Variants in COL22A1 observed in about 807,000 individuals in gnomAD.
COL22A1 encodes collagen type XXII alpha 1 chain.
COL22A1 carries 221 observed loss-of-function variants against 248.9 expected under a neutral mutation model. That is an observed-to-expected ratio of 0.89 (90% confidence interval 0.80 to 0.99). The LOEUF is 0.99. Among genes scored for constraint, COL22A1 ranks in the 50% least tolerant of loss-of-function variants. COL22A1 has a pLI of 0.00. For synonymous variants in COL22A1, 891 were observed against 793.4 expected, an observed-to-expected ratio of 1.12 and a Z score of -2.07; for missense variants, 2,240 against 2,179.0, an observed-to-expected ratio of 1.03 and a Z score of -0.56.
chr8:138,692,462 CATGTGTGTGT>C (rs1453818058), intron 35 of COL22A1, among the ~76,000 whole-genome samples: 21 of 46,272 alleles, frequency 4.5e-4, no homozygotes, highest in South Asian at 2.3e-3. Context: ...TGTGTGAGTG[CATGTGTGTGT>C]GTGTGTGTGT....
At chr8:138,796,020 C>T (rs1178590049) in intron 12 of COL22A1, among the ~76,000 whole-genome samples, 1 of 152,172 alleles carries the variant, frequency 6.6e-6, no homozygotes, top group Non-Finnish European at 1.5e-5. Flanking sequence ...TATCAACGGG[C>T]ATTTGCACTG....
At chr8:138,790,594 A>G (rs964240449) in intron 12 of COL22A1, among the ~76,000 whole-genome samples, 1 of 152,212 alleles carries the variant, frequency 6.6e-6, no homozygotes, top group Non-Finnish European at 1.5e-5. Flanking sequence ...AACTTCAGTT[A>G]AAGCCTGCCT....
At chr8:138,691,350 C>A (rs939402182) in intron 35 of COL22A1, among the ~76,000 whole-genome samples, 1 of 141,722 alleles carries the variant, frequency 7.1e-6, no homozygotes, top group East Asian at 2.2e-4. Flanking sequence ...CGTGTGTGCA[C>A]GTTTGTGGAG....
intron 12 of COL22A1, among the ~76,000 whole-genome samples, chr8:138,789,242 G>A (rs947791560): frequency 6.6e-6 from 1 of 152,232 alleles, no homozygotes; most frequent in Non-Finnish European, 1.5e-5. Flanking sequence ...GACAGGGCCT[G>A]CAGCACCTCT....
Position 138,662,035 on chromosome 8 carries a change from G to A in COL22A1, c.3235C>T (p.Arg1079Trp), listed in dbSNP as rs139076328. 172 of 1,611,242 alleles carry A rather than the reference G, an allele frequency of 1.1e-4. 1 individual carries two copies. Among genetic ancestry groups the A allele is most frequent in the South Asian group, 1.0e-3 (92 of 90,486 alleles). The stretch of plus-strand genomic sequence containing the variant: ...CGCCATTTCTCTGTACTTACGTCCC[G>A]GCCGGCTGGGCCCTGGGGGCCAGGG... ...GFPGPQGPAG[R>W]DGAPGNPGER... is the part of the protein sequence containing the mutation. The change falls in exon 43 of 65, where the codon CGG becomes TGG. Residue 1079 changes from arginine (R) to tryptophan (W), a missense_variant. Physicochemically the swap from Arg to Trp is moderately radical, Grantham distance 101. Coordinates refer to ENST00000303045, the MANE Select transcript of COL22A1 (RefSeq NM_152888.3).
chr8:138,812,625 G>A (rs547402494), intron 8 of COL22A1, among the ~76,000 whole-genome samples: 1 of 152,188 alleles, frequency 6.6e-6, no homozygotes, highest in African/African-American at 2.4e-5. Flanking sequence ...TCTGGGCGCT[G>A]GTGGCACGGA....
chr8:138,662,258 A>C (rs188003161), intron 42 of COL22A1, among the ~76,000 whole-genome samples, 175 bp from the exon 43 acceptor site: 1 of 152,328 alleles, frequency 6.6e-6, no homozygotes, highest in East Asian at 1.9e-4. Context: ...ACTGTACCCT[A>C]TGGAGGTATG....
chr8:138,723,641 T>C lies in COL22A1; in HGVS notation c.2247+974A>G, dbSNP rs10095568. ...TCATGGAAAATGTTTATTGGTGACG[T>C]TGCAGTTGACTGTGTGTTTAGAAAC... On this transcript the variant is annotated intron_variant, in intron 25 of 64. Transcript: ENST00000303045. 6.1e-3 allele frequency among the ~76,000 whole-genome samples: 924 copies of C among 152,334 alleles called. 8 individuals carry two copies. The highest frequency in any genetic ancestry group is 0.021 in the African/African-American group (888 of 41,580).
intron 5 of COL22A1, among the ~76,000 whole-genome samples, chr8:138,827,576 G>T (rs1456542345): frequency 6.6e-6 from 1 of 152,128 alleles, no homozygotes; most frequent in Non-Finnish European, 1.5e-5. Flanking sequence ...CCAGGTTCCT[G>T]CCTGGCCTGT....
chr8:138,859,916 C>A (rs764308857), intron 3 of COL22A1, among the ~76,000 whole-genome samples: 2 of 152,182 alleles, frequency 1.3e-5, no homozygotes, highest in African/African-American at 4.8e-5. Flanking sequence ...ACCTTCAGCT[C>A]CTCCAAGCAG....
At chr8:138,661,950 G>C in intron 43 of COL22A1, 80 bp downstream of exon 43, 3 of 1,090,432 alleles carry the variant, frequency 2.8e-6, no homozygotes, top group Non-Finnish European at 4.0e-6. Context: ...GGTCAAAGGA[G>C]GCCAGGAGAT....
chr8:138,744,325 C>T (rs79055333), intron 22 of COL22A1, among the ~76,000 whole-genome samples: 5 of 152,058 alleles, frequency 3.3e-5, no homozygotes, highest in African/African-American at 7.3e-5. Context: ...TGGTTCCAAG[C>T]GAAAGGCAGG....
chr8:138,783,392 C>G (rs1815217268), intron 12 of COL22A1, among the ~76,000 whole-genome samples: 1 of 152,066 alleles, frequency 6.6e-6, no homozygotes, highest in African/African-American at 2.4e-5. Context: ...AGAGCCAGTC[C>G]AGGTTCCAAA....
At chr8:138,664,349 T>C (rs1458781013) in intron 41 of COL22A1, among the ~76,000 whole-genome samples, 2 of 151,992 alleles carry the variant, frequency 1.3e-5, no homozygotes, top group African/African-American at 4.8e-5. Flanking sequence ...ATGCTTAAGA[T>C]GCTGTTCATT....
intron 9 of COL22A1, among the ~76,000 whole-genome samples, chr8:138,809,514 C>CTTT (rs1200610157): frequency 1.7e-5 from 1 of 60,258 alleles, no homozygotes; most frequent in Non-Finnish European, 4.0e-5. Context: ...TTCTTCTTCT[C>CTTT]TTTTTTTCTT....
rs373960001 is a variant in COL22A1, at chr8:138,632,151, A to AGCAATGCG, written c.3610-1411_3610-1404dup. On this transcript the variant is annotated intron_variant, in intron 49 of 64. Coordinates refer to ENST00000303045, the MANE Select transcript of COL22A1 (RefSeq NM_152888.3). Reference sequence around the variant, plus strand: ...TGCACATGCCATTAGGAAGGGGAGGAGCAATGCGGCAATGCTTACAAGGTG... The same window carrying AGCAATGCG: ...TGCACATGCCATTAGGAAGGGGAGGAGCAATGCGGCAATGCGGCAATGCTTACAAGGTG... Among the ~76,000 whole-genome samples, 202 of 152,206 alleles carry AGCAATGCG rather than the reference A, an allele frequency of 1.3e-3. 1 individual carries two copies. The highest frequency in any genetic ancestry group is 4.6e-3 in the African/African-American group (192 of 41,530).
chr8:138,885,034 GCA>G (rs1472334695), intron 1 of COL22A1, among the ~76,000 whole-genome samples: 1 of 148,704 alleles, frequency 6.7e-6, no homozygotes, highest in South Asian at 2.1e-4. Context: ...ACACACACAC[GCA>G]CACACACACA....
At chr8:138,768,407 G>A (rs987246733) in intron 16 of COL22A1, among the ~76,000 whole-genome samples, 11 of 152,248 alleles carry the variant, frequency 7.2e-5, no homozygotes, top group Middle Eastern at 6.8e-3. Context: ...TCTCCTCTCC[G>A]CCAACCAACA....
At chr8:138,747,063 G>T (rs1832177420) in intron 22 of COL22A1, among the ~76,000 whole-genome samples, 1 of 152,170 alleles carries the variant, frequency 6.6e-6, no homozygotes, top group African/African-American at 2.4e-5. Context: ...AAGAAGCAGT[G>T]TTCATAGATT....
Sources: allele counts gnomAD v4.1 joint callset (sites outside exome capture counted in the v4.1 genomes callset), GRCh38; gene constraint gnomAD v4.1.1; transcripts MANE v1.5; gene names NCBI Gene and HGNC (gene_info 2026-07-23, HGNC 2026-07-21).